Variants in HSD17B4 observed in about 807,000 individuals in gnomAD.
The protein encoded by HSD17B4 is peroxisomal multifunctional enzyme type 2.
HSD17B4 carries 70 observed loss-of-function variants against 101.0 expected under a neutral mutation model. The ratio of observed to expected loss-of-function variants is 0.69; its 90% CI spans 0.57 to 0.85. The LOEUF (loss-of-function observed/expected upper bound fraction) is 0.85. HSD17B4 is among the 40% of genes least tolerant of loss of function. The pLI, the probability that HSD17B4 is intolerant of heterozygous loss-of-function variation, is 0.00. For missense variants in HSD17B4, 984 were observed against 892.4 expected (o/e 1.10, Z -1.31); for synonymous variants, 347 against 297.1 (o/e 1.17, Z -1.73).
At chr5:119,480,112 A>G (rs1001224662) in intron 8 of HSD17B4, among the ~76,000 whole-genome samples, 5 of 151,962 alleles carry the variant, frequency 3.3e-5, no homozygotes, top group African/African-American at 7.2e-5. Flanking sequence ...TTTTTTTCCT[A>G]TGCTTATTTG....
At chr5:119,512,168 G>A (rs1026946711) in intron 16 of HSD17B4, among the ~76,000 whole-genome samples, 1 of 152,086 alleles carries the variant, frequency 6.6e-6, no homozygotes, top group Non-Finnish European at 1.5e-5. Context: ...CTAAAGAACA[G>A]AGAGAACCAC....
intron 2 of HSD17B4, among the ~76,000 whole-genome samples, chr5:119,473,350 G>T (rs1165467400): frequency 7.7e-5 from 8 of 103,452 alleles, no homozygotes; most frequent in Non-Finnish European, 1.2e-4. Context: ...AAAGGGTCTT[G>T]CTCTGTTGCC....
At chr5:119,501,884 A>T (rs560704283) in intron 13 of HSD17B4, among the ~76,000 whole-genome samples, 157 bp from the exon 14 acceptor site, 1 of 152,292 alleles carries the variant, frequency 6.6e-6, no homozygotes, top group African/African-American at 2.4e-5. Flanking sequence ...ATTATTTTTC[A>T]ATCACATGAT....
At chr5:119,492,707 T>C (rs1016183911) in intron 10 of HSD17B4, 2 of 152,082 alleles carry the variant, frequency 1.3e-5, no homozygotes, top group African/African-American at 4.8e-5. Context: ...TAAATAGTTA[T>C]TTTAAATAAC....
At position 119,496,529 on chromosome 5, in the gene HSD17B4, A is replaced by AT; in HGVS notation, c.869-9dup. 7.3e-7 allele frequency: 1 copy of AT among 1,367,334 alleles called. No homozygotes were observed. 84.7% of individuals were successfully genotyped at this position (1,367,334 alleles called of 1,614,324 possible). ...CAAAGCTTTATTTTTTTTGTTTTTC[A>AT]TTTTTCATTTTAGAATCAACTGGCA... is the stretch of plus-strand genomic sequence containing the variant. On this transcript the variant is annotated splice_polypyrimidine_tract_variant and intron_variant, in intron 11 of 23. Transcript: ENST00000510025.
At chr5:119,527,819 C>T (rs1438349642) in intron 20 of HSD17B4, among the ~76,000 whole-genome samples, 1 of 152,014 alleles carries the variant, frequency 6.6e-6, no homozygotes, top group African/African-American at 2.4e-5. Context: ...ATCTTGATTA[C>T]ACAAAAAATC....
intron 3 of HSD17B4, 125 bp from the exon 4 acceptor site, chr5:119,474,276 T>C (rs1748349903): frequency 3.9e-6 from 3 of 764,396 alleles, no homozygotes; most frequent in Non-Finnish European, 4.9e-6. Context: ...TTATTGTAGA[T>C]ATGGATATGT....
chr5:119,508,535 TAGAG>T, intron 15 of HSD17B4, among the ~76,000 whole-genome samples: 1 of 152,340 alleles, frequency 6.6e-6, no homozygotes, highest in Non-Finnish European at 1.5e-5. Context: ...AGTTAGTAAA[TAGAG>T]GGACAGCTGT....
At chr5:119,458,895 T>C (rs1754938590) in intron 2 of HSD17B4, among the ~76,000 whole-genome samples, 1 of 152,212 alleles carries the variant, frequency 6.6e-6, no homozygotes, top group African/African-American at 2.4e-5. Flanking sequence ...GTAGGTGAGC[T>C]ATATCTAGTT....
chr5:119,478,779 G>T, intron 7 of HSD17B4, 55 bp from the exon 8 acceptor site: 2 of 1,448,366 alleles, frequency 1.4e-6, no homozygotes, highest in Non-Finnish European at 9.7e-7. Context: ...AGTTAGAGTT[G>T]CAATGTTATC....
intron 12 of HSD17B4, 82 bp from the exon 13 acceptor site, chr5:119,499,235 A>T: frequency 1.1e-6 from 1 of 924,476 alleles, no homozygotes. Flanking sequence ...ACATCTATTC[A>T]AAAACAAAAC....
intron 20 of HSD17B4, among the ~76,000 whole-genome samples, chr5:119,528,206 A>C (rs1753769922): frequency 6.6e-6 from 1 of 152,158 alleles, no homozygotes. Flanking sequence ...GCTCATGGTC[A>C]CACAGCAAGT....
chr5:119,541,770 C>A (rs1021324482), intron 23 of HSD17B4, 135 bp from the exon 24 acceptor site: 3 of 650,020 alleles, frequency 4.6e-6, no homozygotes, highest in Admixed American at 2.6e-5. Flanking sequence ...ATTGTCATTG[C>A]TAAATAAAGG....
At chr5:119,534,991 G>A (rs1027484008) in intron 22 of HSD17B4, among the ~76,000 whole-genome samples, 1 of 151,918 alleles carries the variant, frequency 6.6e-6, no homozygotes, top group African/African-American at 2.4e-5. Flanking sequence ...AACAATTTGA[G>A]AATTATAGAA....
intron 12 of HSD17B4, among the ~76,000 whole-genome samples, chr5:119,497,441 G>A (rs1440043713): frequency 3.9e-5 from 6 of 152,040 alleles, no homozygotes; most frequent in South Asian, 4.1e-4. Flanking sequence ...CATTCTACCC[G>A]TTCATAGTTC....
At position 119,529,204 on chromosome 5, in the gene HSD17B4, C is replaced by G. The variant is rs74769896; in HGVS notation, c.1768-690C>G. On this transcript the variant is annotated intron_variant, in intron 20 of 23. Transcript: ENST00000510025. Reference sequence around the variant, plus strand: ...GCTATGTTAAACTTTAGAAACTTATCCTATACATTTGTAGCAATAACAATT... The same window carrying G: ...GCTATGTTAAACTTTAGAAACTTATGCTATACATTTGTAGCAATAACAATT... Among the ~76,000 whole-genome samples the G allele has an allele frequency of 3.8e-3, 578 of 152,130 alleles. 2 individuals carry two copies. The highest frequency in any genetic ancestry group is 0.013 in the African/African-American group (556 of 41,528).
chr5:119,480,134 T>A (rs1748984061), intron 8 of HSD17B4, among the ~76,000 whole-genome samples: 1 of 152,172 alleles, frequency 6.6e-6, no homozygotes, highest in Admixed American at 6.6e-5. Context: ...CATTTATTTG[T>A]CTTTTTTGTT....
chr5:119,519,071 G>A (rs1217887146), intron 17 of HSD17B4, among the ~76,000 whole-genome samples: 2 of 152,188 alleles, frequency 1.3e-5, no homozygotes, highest in South Asian at 2.1e-4. Flanking sequence ...CTGGTAAATC[G>A]AGGCTGCAGT....
intron 12 of HSD17B4, 137 bp from the exon 13 acceptor site, chr5:119,499,179 AT>A (rs1750922491): frequency 3.1e-6 from 2 of 640,760 alleles, no homozygotes; most frequent in Non-Finnish European, 5.5e-6. Context: ...AAAATAAAAT[AT>A]AATTGCAATA....
Sources: gnomAD v4.1 joint callset for allele counts (sites outside exome capture counted in the v4.1 genomes callset) on GRCh38, gnomAD v4.1.1 for gene constraint, MANE v1.5 for transcripts, NCBI Gene and HGNC (gene_info 2026-07-23, HGNC 2026-07-21) for gene names.